The following BAZ1A variants were observed in gnomAD, a reference collection of about 807,000 sequenced individuals.
BAZ1A encodes the protein bromodomain adjacent to zinc finger domain protein 1A.
A neutral mutation model predicts 185.2 loss-of-function variants in BAZ1A; 50 were observed. The ratio of observed to expected loss-of-function variants is 0.27; its 90% CI spans 0.22 to 0.34. The LOEUF is 0.34. BAZ1A is among the 10% of genes least tolerant of loss of function. BAZ1A has a pLI of 1.00. For missense variants in BAZ1A, 1,356 were observed against 1,839.9 expected (o/e 0.74, Z 4.81); for synonymous variants, 571 against 615.6 (o/e 0.93, Z 1.07).
chr14:34,762,307 C>A, intron 23 of BAZ1A, 84 bp from the exon 24 acceptor site: 1 of 1,307,472 alleles, frequency 7.6e-7, no homozygotes, highest in Admixed American at 2.2e-5. Context: ...TTGTATTTAG[C>A]CAATGAGTTT....
At chr14:34,833,065 C>A (rs571702387) in intron 3 of BAZ1A, among the ~76,000 whole-genome samples, 475 of 152,112 alleles carry the variant, frequency 3.1e-3, no homozygotes, top group Non-Finnish European at 5.0e-3. Flanking sequence ...AGTGAGACCC[C>A]CAACTCTACA....
At chr14:34,829,109 T>C (rs55893884) in intron 3 of BAZ1A, among the ~76,000 whole-genome samples, 44,896 of 151,760 alleles carry the variant, frequency 0.3, 6,900 homozygotes, top group Admixed American at 0.39. Context: ...CTACTAAAAA[T>C]ACAAAAATTA....
At position 34,785,844 on chromosome 14, in the gene BAZ1A, C is replaced by G; in HGVS notation, c.1764G>C (p.Glu588Asp). The change falls in exon 14 of 27, where the codon GAG becomes GAC. Residue 588 changes from glutamate (E) to aspartate (D), a missense_variant. Glu to Asp is a conservative substitution (Grantham distance 45). Transcript: ENST00000360310. ...GFDATDDACM[E>D]LRLSNPSLVK... is the part of the protein sequence containing the mutation. Reference sequence around the variant, plus strand: ...CTAGACTGGGATTGCTCAAACGAAGCTCCATACAAGCATCATCTGTAGCAT... The same window carrying G: ...CTAGACTGGGATTGCTCAAACGAAGGTCCATACAAGCATCATCTGTAGCAT... The G allele has an allele frequency of 6.2e-7, 1 of 1,614,072 alleles. No individual in the cohort carries two copies. Among genetic ancestry groups the G allele is most frequent in the Non-Finnish European group, 8.5e-7 (1 of 1,180,026 alleles).
intron 3 of BAZ1A, among the ~76,000 whole-genome samples, chr14:34,839,177 G>A (rs980751989): frequency 1.3e-5 from 2 of 152,228 alleles, no homozygotes; most frequent in Admixed American, 6.5e-5. Context: ...ACTACAAAGC[G>A]GCAGAAATGA....
In BAZ1A at chr14:34,874,995, C is replaced by T. The variant is rs1594927659; in HGVS notation, c.-59+143G>A. ...CCCGCCGCCGCCGCCAGGCTCACAA[C>T]GTGCTCGGCGCGCAGCTGGCCGGCC... On this transcript the variant is annotated intron_variant, in intron 1 of 26. Coordinates refer to ENST00000360310, the MANE Select transcript of BAZ1A (RefSeq NM_013448.3). This position sits in a 1 kb window ranked among gnomAD's most constrained non-coding sequence, Gnocchi z 4.7. The T allele has an allele frequency of 6.5e-6, 1 of 152,942 alleles. No homozygotes were observed. The highest frequency in any genetic ancestry group is 2.4e-5 in the African/African-American group (1 of 41,102). 9.5% of individuals were successfully genotyped at this position (152,942 alleles called of 1,614,324 possible).
chr14:34,825,836 G>A (rs979871179), intron 4 of BAZ1A, among the ~76,000 whole-genome samples, 177 bp downstream of exon 4: 7 of 152,124 alleles, frequency 4.6e-5, no homozygotes, highest in African/African-American at 1.7e-4. Context: ...TACTCAGGAG[G>A]CTGAGGCAGG....
chr14:34,816,533 T>C (rs769719918), intron 4 of BAZ1A, among the ~76,000 whole-genome samples: 1 of 152,238 alleles, frequency 6.6e-6, no homozygotes, highest in African/African-American at 2.4e-5. Context: ...GCTTTTGTTA[T>C]GTGTTTAGAG....
Position 34,761,999 on chromosome 14 carries a change from C to T in BAZ1A, c.4001G>A (p.Arg1334His), listed in dbSNP as rs777062105. Reference protein sequence around the residue: ...TETKSLRIASRSTRHSHGPLQ... With the variant: ...TETKSLRIASHSTRHSHGPLQ... ...TGGGCCATGACTGTGGCGAGTAGAA[C>T]GACTGGCAATTCTTAAAGATTTTGT... Residue 1334 changes from arginine to histidine, a missense_variant, in exon 24 of 27, where the codon CGT (arginine) becomes CAT (histidine). Physicochemically the swap from Arg to His is conservative, Grantham distance 29 (BLOSUM62 0). Coordinates refer to ENST00000360310, the MANE Select transcript of BAZ1A (RefSeq NM_013448.3). The T allele has an allele frequency of 1.9e-5, 30 of 1,614,050 alleles. No homozygotes were observed. The highest frequency in any genetic ancestry group is 2.1e-5 in the Non-Finnish European group (25 of 1,180,058).
intron 10 of BAZ1A, 110 bp downstream of exon 10, chr14:34,795,560 G>T (rs1881139174): frequency 1.5e-6 from 1 of 677,760 alleles, no homozygotes; most frequent in Non-Finnish European, 2.3e-6. Context: ...TTTCCTCTCG[G>T]TTAAATATAA....
intron 3 of BAZ1A, among the ~76,000 whole-genome samples, chr14:34,858,608 C>A (rs986580121): frequency 6.6e-6 from 1 of 152,068 alleles, no homozygotes; most frequent in African/African-American, 2.4e-5. Flanking sequence ...AGCCACCACA[C>A]CTGGCCCACA....
chr14:34,773,711 T>G lies in BAZ1A; in HGVS notation c.3013A>C (p.Ile1005Leu). ...CCACTTTCTAATGCTGATCTCCAGA[T>G]ATGTCGATCTGTAACCTGTAACAAA... is the stretch of plus-strand genomic sequence containing the variant. ...LGAIKVTDRH[I>L]WRSALESGRY... Residue 1005 changes from isoleucine to leucine, a missense_variant, in exon 20 of 27, where the codon ATC (isoleucine) becomes CTC (leucine). By Grantham distance (5) the Ile-to-Leu change is conservative. This residue lies in a region of BAZ1A where 434 missense variants were observed against 561.7 expected (regional missense o/e 0.77). Coordinates refer to ENST00000360310, the MANE Select transcript of BAZ1A (RefSeq NM_013448.3). The G allele has an allele frequency of 6.2e-7, 1 of 1,613,532 alleles. No homozygotes were observed. Among genetic ancestry groups the G allele is most frequent in the Non-Finnish European group, 8.5e-7 (1 of 1,179,872 alleles).
rs1428288987 is a variant in BAZ1A, at chr14:34,761,750, T to A, written c.4243+7A>T. On this transcript the variant is annotated splice_region_variant and intron_variant, in intron 24 of 26. Transcript: ENST00000360310. ...CTAGGGAAGGAAGAGTTTAGATTTC[T>A]TCATACCTGGAGATTGTCTTTTTCT... 6.3e-7 allele frequency: 1 copy of A among 1,599,142 alleles called. No individual in the cohort carries two copies. Among genetic ancestry groups the A allele is most frequent in the African/African-American group, 1.3e-5 (1 of 74,298 alleles).
chr14:34,768,666 T>G, intron 21 of BAZ1A: 2 of 386,450 alleles, frequency 5.2e-6, no homozygotes, highest in South Asian at 3.9e-5. Flanking sequence ...AAACATAAAT[T>G]TCTTTAAAAA....
chr14:34,874,237 G>A lies in BAZ1A; in HGVS notation c.113+255C>T. ...GAGGGCGACAGCAGCGGCTAGGAGCGGTCCCCGAGGCCGGCCAGGGACCCA... is the reference window on the plus strand; with the variant it reads ...GAGGGCGACAGCAGCGGCTAGGAGCAGTCCCCGAGGCCGGCCAGGGACCCA... On this transcript the variant is annotated intron_variant, in intron 2 of 26. Transcript: ENST00000360310. This position sits in a 1 kb window ranked among gnomAD's most constrained non-coding sequence, Gnocchi z 4.7. The A allele has an allele frequency of 2.5e-6, 1 of 406,328 alleles. No individual in the cohort carries two copies. Among genetic ancestry groups the A allele is most frequent in the Non-Finnish European group, 4.4e-6 (1 of 226,172 alleles). 25.2% of individuals were successfully genotyped at this position (406,328 alleles called of 1,614,324 possible). A position where few individuals can be genotyped will look rare whatever the true frequency, so the allele number is the denominator to read the frequency against.
chr14:34,824,408 CAA>C lies in BAZ1A; in HGVS notation c.536+1603_536+1604del. Among the ~76,000 whole-genome samples the C allele has an allele frequency of 7.4e-4, 49 of 65,782 alleles. No homozygotes were observed. In the South Asian group the frequency reaches 0.014, roughly 18 times the overall value. The allele number at this position is 65,782 out of a possible 152,430, so 43.2% of individuals were successfully genotyped here. A position where few individuals can be genotyped will look rare whatever the true frequency, so the allele number is the denominator to read the frequency against. ...AAAAAAAAAAAAAAAAGCAGCAACT[CAA>C]AAAAAAAAAAAAAAAAAGAAGAGAT... On this transcript the variant is annotated intron_variant, in intron 4 of 26. Coordinates refer to ENST00000360310, the MANE Select transcript of BAZ1A (RefSeq NM_013448.3).
chr14:34,834,364 C>T (rs554526561), intron 3 of BAZ1A, among the ~76,000 whole-genome samples: 2 of 152,288 alleles, frequency 1.3e-5, no homozygotes, highest in Admixed American at 6.5e-5. Context: ...AATGAGTCTA[C>T]TCTGAACCCA....
At chr14:34,763,851 C>A (rs1307386498) in intron 23 of BAZ1A, among the ~76,000 whole-genome samples, 1 of 151,878 alleles carries the variant, frequency 6.6e-6, no homozygotes. Context: ...TTTTATATGC[C>A]CTGGGAAACC....
intron 6 of BAZ1A, 130 bp downstream of exon 6, chr14:34,807,321 A>G (rs1881906229): frequency 1.8e-6 from 1 of 570,484 alleles, no homozygotes; most frequent in African/African-American, 1.9e-5. Flanking sequence ...GAAGTACTAA[A>G]AATTGGCTCC....
intron 23 of BAZ1A, 132 bp downstream of exon 23, chr14:34,764,575 A>G (rs1443420613): frequency 7.9e-7 from 1 of 1,266,676 alleles, no homozygotes; most frequent in Non-Finnish European, 1.1e-6. Context: ...TATAGGCATA[A>G]GCTACCGTGT....
Sources: allele counts gnomAD v4.1 joint callset (sites outside exome capture counted in the v4.1 genomes callset), GRCh38; gene constraint gnomAD v4.1.1; regional missense constraint gnomAD v4.1.1; non-coding constraint Gnocchi (gnomAD v3.1); transcripts MANE v1.5; gene names NCBI Gene and HGNC (gene_info 2026-07-23, HGNC 2026-07-21).